SNX30: variants seen among roughly 807,000 people sequenced by gnomAD.
SNX30 encodes the protein sorting nexin-30.
Under a neutral mutation model 46.4 loss-of-function variants are expected in SNX30, and 24 were observed. The ratio of observed to expected loss-of-function variants is 0.52; its 90% CI spans 0.37 to 0.73. The LOEUF is 0.73. Among genes scored for constraint, SNX30 ranks in the 30% least tolerant of loss-of-function variants. SNX30 has a pLI of 0.00. For missense variants in SNX30, 533 were observed against 555.7 expected (o/e 0.96, Z 0.41); for synonymous variants, 189 against 211.5 (o/e 0.89, Z 0.92).
chr9:112,758,937 T>C (rs1244122811), intron 1 of SNX30, among the ~76,000 whole-genome samples: 1 of 152,064 alleles, frequency 6.6e-6, no homozygotes, highest in African/African-American at 2.4e-5. Flanking sequence ...AGAACTTGTC[T>C]CTATTAAACA....
chr9:112,774,509 T>C (rs1160498787), intron 1 of SNX30, among the ~76,000 whole-genome samples: 4 of 152,232 alleles, frequency 2.6e-5, no homozygotes, highest in Non-Finnish European at 5.9e-5. Context: ...TGATCATTCA[T>C]GTGCAAGTCT....
At chr9:112,817,663 C>A in intron 2 of SNX30, 42 bp from the exon 3 acceptor site, 1 of 1,161,636 alleles carries the variant, frequency 8.6e-7, no homozygotes, top group Non-Finnish European at 1.3e-6. Flanking sequence ...CCAAGATATG[C>A]TATTCCCTTA....
At chr9:112,797,275 C>T (rs1840121587) in intron 1 of SNX30, among the ~76,000 whole-genome samples, 2 of 152,184 alleles carry the variant, frequency 1.3e-5, no homozygotes, top group Admixed American at 1.3e-4. Context: ...CTATCTTTCC[C>T]TTCCTTTCCT....
intron 7 of SNX30, among the ~76,000 whole-genome samples, chr9:112,863,469 C>T (rs1008306904): frequency 3.9e-5 from 6 of 152,204 alleles, no homozygotes; most frequent in African/African-American, 1.2e-4. Flanking sequence ...GTGAAATTCA[C>T]CAAAGCAAAG....
intron 2 of SNX30, among the ~76,000 whole-genome samples, chr9:112,810,606 G>A (rs1207689853): frequency 1.3e-5 from 2 of 152,166 alleles, no homozygotes; most frequent in African/African-American, 4.8e-5. Flanking sequence ...AGGGAGATGT[G>A]TGGGTTTCTC....
intron 1 of SNX30, 76 bp downstream of exon 1, chr9:112,751,233 T>C: frequency 7.7e-7 from 1 of 1,307,042 alleles, no homozygotes; most frequent in Non-Finnish European, 9.8e-7. Context: ...GGAGCCTTCG[T>C]GGGCCTGGGG....
At chr9:112,834,882 A>ACACACACACACACCCC (rs56385707) in intron 4 of SNX30, among the ~76,000 whole-genome samples, 2 of 105,252 alleles carry the variant, frequency 1.9e-5, no homozygotes, top group African/African-American at 5.9e-5. Flanking sequence ...ACACACACAC[A>ACACACACACACACCCC]CCTACCTCAA....
At chr9:112,772,861 T>C (rs2131366354) in intron 1 of SNX30, among the ~76,000 whole-genome samples, 1 of 152,348 alleles carries the variant, frequency 6.6e-6, no homozygotes, top group East Asian at 1.9e-4. Flanking sequence ...AAATTCTCCT[T>C]GTGTTTAAAT....
intron 7 of SNX30, among the ~76,000 whole-genome samples, chr9:112,857,656 A>G (rs1841155989): frequency 6.6e-6 from 1 of 152,166 alleles, no homozygotes; most frequent in South Asian, 2.1e-4. Flanking sequence ...ATGAGAGCAG[A>G]TAATGTGACA....
Position 112,751,016 on chromosome 9 carries a change from C to T in SNX30, c.15C>T (p.Pro5=). The T allele has an allele frequency of 2.2e-5, 31 of 1,383,344 alleles. No individual in the cohort carries two copies. Among genetic ancestry groups the T allele is most frequent in the Non-Finnish European group, 2.9e-5 (31 of 1,066,190 alleles). 85.7% of individuals were successfully genotyped at this position (1,383,344 alleles called of 1,614,324 possible). Residue 5 remains proline, a synonymous_variant, in exon 1 of 9, where the codon CCC becomes CCT. Transcript: ENST00000374232. MAGG[P]PKALPSTGPH... ...CGGTGCGCGCCATGGCGGGCGGGCC[C>T]CCCAAGGCCCTGCCGTCCACGGGGC...
chr9:112,827,184 T>C (rs77427175), intron 3 of SNX30, among the ~76,000 whole-genome samples: 4,520 of 152,294 alleles, frequency 0.03, 247 homozygotes, highest in African/African-American at 0.1. Context: ...AGTAGTCCCC[T>C]GAAGCTGCTG....
chr9:112,791,775 C>T (rs1019617072), intron 1 of SNX30, among the ~76,000 whole-genome samples: 9 of 151,972 alleles, frequency 5.9e-5, no homozygotes, highest in Non-Finnish European at 1.2e-4. Context: ...ATGAGTGATG[C>T]CAGTAAATAT....
At chr9:112,841,104 T>G (rs1016670722) in intron 6 of SNX30, among the ~76,000 whole-genome samples, 1 of 152,172 alleles carries the variant, frequency 6.6e-6, no homozygotes, top group African/African-American at 2.4e-5. Context: ...ATTCCTGGAG[T>G]GTCCGTGGAT....
rs780568852 is a variant in SNX30, at chr9:112,804,758, G to A, written c.157-18G>A. 3.8e-6 allele frequency: 6 copies of A among 1,587,442 alleles called. No homozygotes were observed. The highest frequency in any genetic ancestry group is 1.4e-5 in the African/African-American group (1 of 73,792). ...GTATGTTTTCATTTAATTTTAAGGTGCTCTTTTCTTCTTTTAGGATCTCAT... is the reference window on the plus strand; with the variant it reads ...GTATGTTTTCATTTAATTTTAAGGTACTCTTTTCTTCTTTTAGGATCTCAT... On this transcript the variant is annotated intron_variant, in intron 1 of 8. Transcript: ENST00000374232.
intron 6 of SNX30, among the ~76,000 whole-genome samples, chr9:112,841,620 C>T (rs1038033996): frequency 6.6e-5 from 10 of 152,192 alleles, no homozygotes; most frequent in East Asian, 1.9e-4. Context: ...CTCCACTTTT[C>T]ACCAGGAAAA....
chr9:112,751,189 T>G, intron 1 of SNX30, 32 bp downstream of exon 1: 2 of 1,415,574 alleles, frequency 1.4e-6, no homozygotes, highest in Non-Finnish European at 1.9e-6. Flanking sequence ...AGTGGGAGGC[T>G]TATTTCGCTC....
intron 2 of SNX30, among the ~76,000 whole-genome samples, chr9:112,807,549 CATTT>C (rs2131406736): frequency 6.6e-6 from 1 of 152,224 alleles, no homozygotes; most frequent in African/African-American, 2.4e-5. Flanking sequence ...GAATTATATC[CATTT>C]ATTTATTTTT....
At chr9:112,855,067 C>T (rs1406415459) in intron 7 of SNX30, among the ~76,000 whole-genome samples, 1 of 152,196 alleles carries the variant, frequency 6.6e-6, no homozygotes, top group African/African-American at 2.4e-5. Context: ...CTCAAGCTTC[C>T]CCTGCCTCCC....
chr9:112,808,494 A>T (rs1840265944), intron 2 of SNX30, among the ~76,000 whole-genome samples: 1 of 152,296 alleles, frequency 6.6e-6, no homozygotes, highest in East Asian at 1.9e-4. Context: ...TTTTTTCTGG[A>T]GACTACAAGA....
Sources: allele counts gnomAD v4.1 joint callset (sites outside exome capture counted in the v4.1 genomes callset), GRCh38; gene constraint gnomAD v4.1.1; transcripts MANE v1.5; gene names NCBI Gene and HGNC (gene_info 2026-07-23, HGNC 2026-07-21).